ZBTB40: variants seen among roughly 807,000 people sequenced by gnomAD.
ZBTB40 encodes the protein zinc finger and BTB domain containing 40.
A neutral mutation model predicts 117.5 loss-of-function variants in ZBTB40; 60 were observed. The observed-to-expected ratio is 0.51, with a 90% CI of 0.41 to 0.63. The LOEUF is 0.63. ZBTB40 is among the 30% of genes least tolerant of loss of function. ZBTB40 has a pLI of 0.00. For missense variants in ZBTB40, 1,287 were observed against 1,498.5 expected, an observed-to-expected ratio of 0.86 and a Z score of 2.33; for synonymous variants, 525 against 577.1, an observed-to-expected ratio of 0.91 and a Z score of 1.29.
rs373611816 is a variant in ZBTB40, at chr1:22,490,417, C to G, written c.469C>G (p.Pro157Ala). 46 of 1,610,204 alleles carry G rather than the reference C, an allele frequency of 2.9e-5. No homozygotes were observed. The highest frequency in any genetic ancestry group is 5.0e-5 in the Admixed American group (3 of 59,720). Residue 157 changes from proline to alanine, a missense_variant, in exon 2 of 18, where the codon CCT becomes GCT. By Grantham distance (27) the Pro-to-Ala change is conservative. Coordinates refer to ENST00000375647, the MANE Select transcript of ZBTB40 (RefSeq NM_014870.4). ...EILSSEGAGE[P>A]HSSPELAATP... ...CCTTTCATCTGAAGGTGCTGGAGAG[C>G]CTCATTCTTCCCCAGAGCTTGCTGC... is the stretch of plus-strand genomic sequence containing the variant.
chr1:22,447,139 T>G (rs1481774464), upstream of ZBTB40, among the ~76,000 whole-genome samples: 1 of 151,974 alleles, frequency 6.6e-6, no homozygotes, highest in African/African-American at 2.4e-5. Context: ...TTGATATGGT[T>G]GGTAATGGTT....
chr1:22,451,326 T>C (rs904453257), upstream of ZBTB40, among the ~76,000 whole-genome samples: 2 of 152,334 alleles, frequency 1.3e-5, no homozygotes, highest in Middle Eastern at 3.4e-3. Context: ...AACAAAATCC[T>C]AATCCTAGAG....
chr1:22,459,968 A>C (rs1471137364), intron 1 of ZBTB40, among the ~76,000 whole-genome samples: 1 of 152,186 alleles, frequency 6.6e-6, no homozygotes, highest in Non-Finnish European at 1.5e-5. Context: ...AAAAATAATA[A>C]TTCTGTTTAG....
chr1:22,520,088 A>G lies in ZBTB40; in HGVS notation c.2861A>G (p.Lys954Arg). Residue 954 changes from lysine (K) to arginine (R), a missense_variant, in exon 14 of 18, where the codon AAG becomes AGG. Physicochemically the swap from Lys to Arg is conservative, Grantham distance 26 (BLOSUM62 2). Transcript: ENST00000375647. ...HNIEDPYDCK[K>R]CRMSFPTLQD... ...ATAGAAGATCCTTATGACTGCAAGAAGTGCAGGATGAGTTTCCCCACTCTT... is the reference window on the plus strand; with the variant it reads ...ATAGAAGATCCTTATGACTGCAAGAGGTGCAGGATGAGTTTCCCCACTCTT... 6.2e-7 allele frequency: 1 copy of G among 1,614,234 alleles called. No individual in the cohort carries two copies. The highest frequency in any genetic ancestry group is 1.6e-4 in the Middle Eastern group (1 of 6,062).
intron 1 of ZBTB40, among the ~76,000 whole-genome samples, chr1:22,436,977 G>C (rs534736416): frequency 3.9e-5 from 6 of 152,178 alleles, no homozygotes; most frequent in African/African-American, 7.2e-5. Context: ...AAGTCTAGAG[G>C]GGGAGGGAGA....
intron 15 of ZBTB40, among the ~76,000 whole-genome samples, chr1:22,522,076 T>C (rs541252261): frequency 1.3e-5 from 2 of 152,332 alleles, no homozygotes; most frequent in East Asian, 3.9e-4. Context: ...TTGGTGATAA[T>C]CACAACAGCT....
At chr1:22,449,102 C>A (rs1640825457), upstream of ZBTB40, among the ~76,000 whole-genome samples, 1 of 152,122 alleles carries the variant, frequency 6.6e-6, no homozygotes, top group South Asian at 2.1e-4. Flanking sequence ...GTGTGAGCCA[C>A]CGCAGCCGGC....
chr1:22,517,268 G>A, intron 12 of ZBTB40, 32 bp from the exon 13 acceptor site: 1 of 1,612,772 alleles, frequency 6.2e-7, no homozygotes, highest in Non-Finnish European at 8.5e-7. Context: ...AATTTTTAGT[G>A]CTGACTCTAA....
chr1:22,523,565 T>C (rs1028288134), intron 16 of ZBTB40, among the ~76,000 whole-genome samples: 2 of 152,242 alleles, frequency 1.3e-5, no homozygotes, highest in Non-Finnish European at 2.9e-5. Flanking sequence ...CCATCAAGAA[T>C]TGAAGGCCAT....
At chr1:22,504,089 C>G (rs897260006) in intron 5 of ZBTB40, among the ~76,000 whole-genome samples, 7 of 152,188 alleles carry the variant, frequency 4.6e-5, no homozygotes, top group African/African-American at 1.7e-4. Context: ...TGGGGTTCCA[C>G]CAGAGCTTCT....
chr1:22,501,103 C>T lies in ZBTB40; in HGVS notation c.832-389C>T, dbSNP rs147639457. On this transcript the variant is annotated intron_variant, in intron 3 of 17. Transcript: ENST00000375647. ...GTGTGCCAGGCTATGCTATTTGCTG[C>T]GGATACAGAGCCCTAGAAAGCATAA... 8.5e-5 allele frequency among the ~76,000 whole-genome samples: 13 copies of T among 152,134 alleles called. No homozygotes were observed. The East Asian group carries it at 1.5e-3, about 18-fold the overall frequency.
chr1:22,521,581 C>T lies in ZBTB40; in HGVS notation c.3134C>T (p.Ser1045Leu), dbSNP rs1330019236. 6.2e-7 allele frequency: 1 copy of T among 1,614,218 alleles called. No homozygotes were observed. Among genetic ancestry groups the T allele is most frequent in the African/African-American group, 1.3e-5 (1 of 75,052 alleles). Residue 1045 changes from serine to leucine, a missense_variant, in exon 15 of 18, where the codon TCA (serine) becomes TTA (leucine). Physicochemically the swap from Ser to Leu is moderately radical, Grantham distance 145. Around this residue, in one of 2 missense-constraint regions of ZBTB40, gnomAD observed 417 missense variants for 564.1 expected, o/e 0.74. Transcript: ENST00000375647. ...AACCACCGATCTTCCAAGTTCTCAT[C>T]ACTCCAGTGCAGCTCCTGTGACAAA... ...AQNHRSSKFS[S>L]LQCSSCDKTF... is the part of the protein sequence containing the mutation.
intron 1 of ZBTB40, among the ~76,000 whole-genome samples, chr1:22,457,937 G>A (rs1183283418): frequency 6.6e-6 from 1 of 152,150 alleles, no homozygotes; most frequent in Non-Finnish European, 1.5e-5. Flanking sequence ...CAGGGCATTG[G>A]CAGCAGTGAA....
At chr1:22,449,109 C>T (rs930536026), upstream of ZBTB40, among the ~76,000 whole-genome samples, 8 of 152,056 alleles carry the variant, frequency 5.3e-5, no homozygotes, top group Admixed American at 3.9e-4. Context: ...CCACCGCAGC[C>T]GGCCGGTTGT....
In ZBTB40 at chr1:22,513,073, A is replaced by G. The variant is rs1367885811; in HGVS notation, c.2611A>G (p.Met871Val). 1 of 1,614,084 alleles carries G rather than the reference A, an allele frequency of 6.2e-7. No homozygotes were observed. The highest frequency in any genetic ancestry group is 1.7e-5 in the Admixed American group (1 of 60,014). Reference protein sequence around the residue: ...DRPFMCKHCLMTFTQASALAY... With the variant: ...DRPFMCKHCLVTFTQASALAY... Reference sequence around the variant, plus strand: ...CCCGTTCATGTGCAAGCACTGCCTCATGACCTTCACCCAGGCCTCCGCCCT... The same window carrying G: ...CCCGTTCATGTGCAAGCACTGCCTCGTGACCTTCACCCAGGCCTCCGCCCT... The change falls in exon 12 of 18, where the codon ATG becomes GTG. Residue 871 changes from methionine (M) to valine (V), a missense_variant. By Grantham distance (21) the Met-to-Val change is conservative. This residue lies in a region of ZBTB40 where 417 missense variants were observed against 564.1 expected (regional missense o/e 0.74). Coordinates refer to ENST00000375647, the MANE Select transcript of ZBTB40 (RefSeq NM_014870.4). This position sits in a 1 kb window ranked among gnomAD's most constrained non-coding sequence, Gnocchi z 4.9.
At chr1:22,441,727 C>T (rs1391962206) in intron 1 of ZBTB40, among the ~76,000 whole-genome samples, 1 of 152,066 alleles carries the variant, frequency 6.6e-6, no homozygotes, top group African/African-American at 2.4e-5. Context: ...AGATGATCTG[C>T]CCACCTCACC....
intron 1 of ZBTB40, among the ~76,000 whole-genome samples, chr1:22,476,814 A>AT (rs1175186822): frequency 2.6e-5 from 4 of 151,894 alleles, no homozygotes; most frequent in African/African-American, 4.8e-5. Context: ...ACCTTTGACA[A>AT]TTTTTTCGAG....
At chr1:22,499,005 A>G (rs1022335540) in intron 3 of ZBTB40, among the ~76,000 whole-genome samples, 28 of 152,236 alleles carry the variant, frequency 1.8e-4, no homozygotes, top group African/African-American at 6.8e-4. Context: ...TTATTCCCAC[A>G]GTTCCTGTGG....
intron 1 of ZBTB40, among the ~76,000 whole-genome samples, chr1:22,457,123 TA>T (rs1277875163): frequency 2.5e-4 from 2 of 8,008 alleles, no homozygotes; most frequent in Non-Finnish European, 1.1e-3. Flanking sequence ...ACCCTGTCTC[TA>T]TTTTTTTTTT....
Sources: gnomAD v4.1 joint callset for allele counts (sites outside exome capture counted in the v4.1 genomes callset) on GRCh38, gnomAD v4.1.1 for gene constraint, gnomAD v4.1.1 regional missense constraint, Gnocchi (gnomAD v3.1) non-coding constraint, MANE v1.5 for transcripts, NCBI Gene and HGNC (gene_info 2026-07-23, HGNC 2026-07-21) for gene names.